PLEKHG1: variants seen among roughly 807,000 people sequenced by gnomAD.
The protein encoded by PLEKHG1 is pleckstrin homology and RhoGEF domain containing G1.
Under a neutral mutation model 100.8 loss-of-function variants are expected in PLEKHG1, and 44 were observed. The observed-to-expected ratio is 0.44, with a 90% confidence interval of 0.34 to 0.56. The LOEUF is 0.56. Ranked by LOEUF, PLEKHG1 falls within the 20% of genes least tolerant of loss-of-function variation. The pLI is 0.01. For synonymous variants in PLEKHG1, 640 were observed against 662.5 expected, an observed-to-expected ratio of 0.97 and a Z score of 0.52; for missense variants, 1,545 against 1,720.9, an observed-to-expected ratio of 0.90 and a Z score of 1.81.
intron 3 of PLEKHG1, among the ~76,000 whole-genome samples, chr6:150,701,184 G>A (rs945498680): frequency 1.1e-4 from 17 of 151,238 alleles, no homozygotes; most frequent in East Asian, 9.8e-4. Context: ...GCCAGGTGTG[G>A]TGGTGGGCGC....
chr6:150,733,492 G>A lies in PLEKHG1; in HGVS notation c.-98-92G>A, dbSNP rs527781936. On this transcript the variant is annotated intron_variant, in intron 1 of 15. Transcript: ENST00000358517. ...GTAATTGGCCACCTTGTTATTGACTGTATTTATTTGAGCTAGGTTTTTACT... is the reference window on the plus strand; with the variant it reads ...GTAATTGGCCACCTTGTTATTGACTATATTTATTTGAGCTAGGTTTTTACT... 10 of 1,123,380 alleles carry A rather than the reference G, an allele frequency of 8.9e-6. No homozygotes were observed. In the South Asian group the frequency reaches 1.1e-4, roughly 13 times the overall value. 69.6% of individuals were successfully genotyped at this position (1,123,380 alleles called of 1,614,324 possible).
At chr6:150,757,307 A>G (rs1254514037) in intron 2 of PLEKHG1, among the ~76,000 whole-genome samples, 1 of 152,132 alleles carries the variant, frequency 6.6e-6, no homozygotes, top group Non-Finnish European at 1.5e-5. Context: ...CACCTGCTGT[A>G]AATGTTTTAA....
At chr6:150,763,802 A>C (rs1314625766) in intron 2 of PLEKHG1, among the ~76,000 whole-genome samples, 2 of 152,082 alleles carry the variant, frequency 1.3e-5, no homozygotes, top group African/African-American at 2.4e-5. Flanking sequence ...ACTTTAACTC[A>C]CTCATGCCAC....
At position 150,818,183 on chromosome 6, in the gene PLEKHG1, G is replaced by A; in HGVS notation, c.1279G>A (p.Ala427Thr). 1 of 1,609,552 alleles carries A rather than the reference G, an allele frequency of 6.2e-7. No individual in the cohort carries two copies. Among genetic ancestry groups the A allele is most frequent in the South Asian group, 1.1e-5 (1 of 90,654 alleles). ...TACAGCTCTACTTTCTCTCTTTCAG[G>A]CCAAGCAAGCAATCCTTGAAATGGA... Residue 427 changes from alanine (A) to threonine (T), a missense_variant and splice_region_variant, in exon 11 of 16, where the codon GCC (alanine) becomes ACC (threonine). Ala to Thr is a moderately conservative substitution (Grantham distance 58, BLOSUM62 0). Coordinates refer to ENST00000358517, the Ensembl canonical transcript of PLEKHG1.
At chr6:150,681,243 C>T (rs921532470) in intron 3 of PLEKHG1, among the ~76,000 whole-genome samples, 2 of 151,970 alleles carry the variant, frequency 1.3e-5, no homozygotes, top group East Asian at 3.9e-4. Context: ...GATAATAGGC[C>T]GGGCGTGGTG....
At chr6:150,735,574 T>C (rs935868297) in intron 2 of PLEKHG1, among the ~76,000 whole-genome samples, 6 of 152,306 alleles carry the variant, frequency 3.9e-5, no homozygotes, top group Middle Eastern at 3.4e-3. Flanking sequence ...GAAAAGTCAA[T>C]TGATGGTCAA....
At chr6:150,692,155 A>G (rs1194708440) in intron 3 of PLEKHG1, among the ~76,000 whole-genome samples, 2 of 152,256 alleles carry the variant, frequency 1.3e-5, no homozygotes, top group Non-Finnish European at 2.9e-5. Context: ...AAATAAAGAC[A>G]GAGAAATTGC....
intron 3 of PLEKHG1, among the ~76,000 whole-genome samples, chr6:150,674,503 A>G (rs927032527): frequency 2.0e-5 from 3 of 152,202 alleles, no homozygotes; most frequent in African/African-American, 7.2e-5. Context: ...CTAAATGAAG[A>G]GTAGAGAGCT....
intron 3 of PLEKHG1, among the ~76,000 whole-genome samples, chr6:150,655,911 C>A (rs1035510857): frequency 6.6e-6 from 1 of 151,604 alleles, no homozygotes; most frequent in African/African-American, 2.4e-5. Flanking sequence ...AACACATGGA[C>A]ACAGGGAGGG....
intron 1 of PLEKHG1, among the ~76,000 whole-genome samples, chr6:150,602,307 C>T (rs954354627): frequency 6.6e-6 from 1 of 152,214 alleles, no homozygotes; most frequent in African/African-American, 2.4e-5. Flanking sequence ...CCTCCTGCAG[C>T]ATGATTAGGT....
At chr6:150,604,766 A>G (rs1776518306) in intron 1 of PLEKHG1, among the ~76,000 whole-genome samples, 1 of 152,232 alleles carries the variant, frequency 6.6e-6, no homozygotes, top group African/African-American at 2.4e-5. Flanking sequence ...GCAGTGCCAG[A>G]CGTCAACATT....
chr6:150,638,989 T>C (rs1778137579), intron 2 of PLEKHG1, among the ~76,000 whole-genome samples: 1 of 152,226 alleles, frequency 6.6e-6, no homozygotes, highest in African/African-American at 2.4e-5. Flanking sequence ...ATTCTTTTAA[T>C]GAGTGGGGAA....
intron 15 of PLEKHG1, among the ~76,000 whole-genome samples, chr6:150,836,782 C>T (rs985988980): frequency 1.3e-5 from 2 of 150,084 alleles, no homozygotes; most frequent in Admixed American, 1.3e-4. Flanking sequence ...ATGATTGTAC[C>T]ATTCCACTCT....
chr6:150,674,182 C>T (rs377605211), intron 3 of PLEKHG1, among the ~76,000 whole-genome samples: 38 of 152,076 alleles, frequency 2.5e-4, no homozygotes, highest in African/African-American at 8.9e-4. Context: ...GGCAGGGCAA[C>T]AGTTTGAATC....
intron 2 of PLEKHG1, among the ~76,000 whole-genome samples, chr6:150,739,892 TAAAAG>T (rs1046872919): frequency 2.6e-5 from 4 of 152,148 alleles, no homozygotes; most frequent in Non-Finnish European, 5.9e-5. Flanking sequence ...TCAGGGAAGA[TAAAAG>T]AGAGAAGGGT....
intron 6 of PLEKHG1, among the ~76,000 whole-genome samples, chr6:150,803,318 G>C (rs1786822845): frequency 6.6e-6 from 1 of 152,118 alleles, no homozygotes; most frequent in Non-Finnish European, 1.5e-5. Context: ...CCATCTAATT[G>C]ATTACAATGT....
At chr6:150,762,467 G>A (rs1447674683) in intron 2 of PLEKHG1, among the ~76,000 whole-genome samples, 2 of 151,926 alleles carry the variant, frequency 1.3e-5, no homozygotes, top group East Asian at 3.9e-4. Context: ...AGAAAGTACT[G>A]GGATTACAGG....
rs542435740 is a variant in PLEKHG1 at position 150,749,127 on chromosome 6, G to A, written c.411+15035G>A. Among the ~76,000 whole-genome samples, 400 of 152,280 alleles carry A rather than the reference G, an allele frequency of 2.6e-3. 2 individuals carry two copies. The highest frequency in any genetic ancestry group is 8.5e-3 in the African/African-American group (355 of 41,566). On this transcript the variant is annotated intron_variant, in intron 2 of 15. Coordinates refer to ENST00000358517, the Ensembl canonical transcript of PLEKHG1. ...CCTGCAGCTAAATATTGGCAGTGCC[G>A]GGATGCATCCTAGCCCTGCCTCCCA... is the stretch of plus-strand genomic sequence containing the variant.
chr6:150,806,610 C>T (rs1218945181), intron 7 of PLEKHG1, among the ~76,000 whole-genome samples: 8 of 150,942 alleles, frequency 5.3e-5, no homozygotes, highest in East Asian at 1.9e-4. Context: ...TGCTTGAACC[C>T]GGGAGGTGGA....
Sources: allele counts gnomAD v4.1 joint callset (sites outside exome capture counted in the v4.1 genomes callset), GRCh38; gene constraint gnomAD v4.1.1; transcripts MANE v1.5; gene names NCBI Gene and HGNC (gene_info 2026-07-23, HGNC 2026-07-21).